The following ABCB5 variants were observed in gnomAD, a reference collection of about 807,000 sequenced individuals.
The protein encoded by ABCB5 is ATP-binding cassette sub-family B member 5.
In ABCB5, 155 loss-of-function variants were observed where a neutral mutation model predicts 144.2. That is an observed-to-expected ratio of 1.08 (90% CI 0.94 to 1.23). ABCB5 has a LOEUF of 1.23. ABCB5 is among the 50% of genes most tolerant of loss of function. The pLI, the probability that ABCB5 is intolerant of heterozygous loss-of-function variation, is 0.00. For synonymous variants in ABCB5, 610 were observed against 528.6 expected (o/e 1.15, Z -2.11); for missense variants, 1,830 against 1,520.8 (o/e 1.20, Z -3.38).
chr7:20,621,062 C>A (rs1250954249), intron 1 of ABCB5, among the ~76,000 whole-genome samples: 7 of 151,936 alleles, frequency 4.6e-5, no homozygotes, highest in Admixed American at 4.6e-4. Flanking sequence ...TAGTATTCAG[C>A]CTTAAAAAGG....
intron 11 of ABCB5, among the ~76,000 whole-genome samples, chr7:20,648,832 A>T (rs546657285): frequency 1.2e-4 from 19 of 152,170 alleles, no homozygotes; most frequent in Non-Finnish European, 2.6e-4. Flanking sequence ...CTTTGATCGA[A>T]ATTCTCTTTT....
chr7:20,729,465 T>C (rs899013559), intron 23 of ABCB5, among the ~76,000 whole-genome samples: 13 of 152,154 alleles, frequency 8.5e-5, no homozygotes, highest in Admixed American at 5.2e-4. Context: ...CATTTGGAAT[T>C]GAATGTGGTG....
At chr7:20,627,263 G>A (rs1332365565) in intron 3 of ABCB5, among the ~76,000 whole-genome samples, 1 of 152,024 alleles carries the variant, frequency 6.6e-6, no homozygotes, top group Non-Finnish European at 1.5e-5. Flanking sequence ...AAACTGAATA[G>A]TAGCAGAACA....
chr7:20,682,463 T>C (rs1290218345), intron 15 of ABCB5, among the ~76,000 whole-genome samples: 2 of 151,866 alleles, frequency 1.3e-5, no homozygotes, highest in Admixed American at 6.6e-5. Context: ...GAGTTGGGGG[T>C]GAACATAAAG....
intron 1 of ABCB5, among the ~76,000 whole-genome samples, chr7:20,620,974 C>T (rs1337968061): frequency 1.3e-5 from 2 of 151,928 alleles, no homozygotes; most frequent in African/African-American, 4.8e-5. Context: ...TTCACAATAG[C>T]CAAAAGGTGA....
Position 20,743,073 on chromosome 7 carries a change from T to A in ABCB5, c.3221T>A (p.Val1074Glu). The A allele has an allele frequency of 6.2e-7, 1 of 1,613,736 alleles. No individual in the cohort carries two copies. Residue 1074 changes from valine to glutamate, a missense_variant and splice_region_variant, in exon 25 of 28, where the codon GTG (valine) becomes GAG (glutamate). Physicochemically the swap from Val to Glu is moderately radical, Grantham distance 121. Coordinates refer to ENST00000404938, the MANE Select transcript of ABCB5 (RefSeq NM_001163941.2). ...CTTTATGACCCCGTGCAAGGACAAG[T>A]GGTAAGACAGAACTGAAACACACCT... ...QRLYDPVQGQ[V>E]LFDGVDAKEL... is the part of the protein sequence containing the mutation.
At chr7:20,700,513 G>C (rs7459042) in intron 19 of ABCB5, among the ~76,000 whole-genome samples, 132,511 of 152,218 alleles carry the variant, frequency 0.87, 57,748 homozygotes, top group African/African-American at 0.91. Flanking sequence ...GTTAATTTCT[G>C]TGGTTCTAAT....
chr7:20,637,644 T>A (rs980087880), intron 5 of ABCB5, among the ~76,000 whole-genome samples: 7 of 152,088 alleles, frequency 4.6e-5, no homozygotes, highest in African/African-American at 1.7e-4. Context: ...GGTCTTGAAC[T>A]CCCGACCTCA....
chr7:20,645,739 G>T lies in ABCB5; in HGVS notation c.679-17G>T, dbSNP rs1184639491. On this transcript the variant is annotated splice_polypyrimidine_tract_variant and intron_variant, in intron 7 of 27. Transcript: ENST00000404938. ...TACACAGAGTCATTTTTTAACTGTGGTTGTGGTTTATTACAGATGGTCATC... is the reference window on the plus strand; with the variant it reads ...TACACAGAGTCATTTTTTAACTGTGTTTGTGGTTTATTACAGATGGTCATC... 2 of 1,612,636 alleles carry T rather than the reference G, an allele frequency of 1.2e-6. No individual in the cohort carries two copies. Among genetic ancestry groups the T allele is most frequent in the Non-Finnish European group, 1.7e-6 (2 of 1,179,356 alleles).
intron 2 of ABCB5, among the ~76,000 whole-genome samples, chr7:20,626,043 G>C (rs1253133552): frequency 6.6e-6 from 1 of 152,198 alleles, no homozygotes; most frequent in Non-Finnish European, 1.5e-5. Flanking sequence ...TTTGAAGACA[G>C]CCAGACGAAA....
intron 21 of ABCB5, among the ~76,000 whole-genome samples, chr7:20,724,284 C>T (rs6461513): frequency 0.75 from 113,083 of 151,418 alleles, 42,759 homozygotes; most frequent in East Asian, 0.92. Context: ...CTGTTTTTCA[C>T]GACAGCCCTT....
chr7:20,620,648 C>T (rs922637667), intron 1 of ABCB5, among the ~76,000 whole-genome samples: 63 of 152,094 alleles, frequency 4.1e-4, no homozygotes, highest in African/African-American at 1.5e-3. Flanking sequence ...AGATACTCAA[C>T]ATCACTAGTC....
intron 20 of ABCB5, among the ~76,000 whole-genome samples, chr7:20,715,593 A>G (rs1781647532): frequency 6.6e-6 from 1 of 151,980 alleles, no homozygotes; most frequent in South Asian, 2.1e-4. Context: ...ATTTTTATGT[A>G]GAGACAGAGT....
intron 26 of ABCB5, among the ~76,000 whole-genome samples, chr7:20,747,637 C>A (rs1206357108): frequency 6.6e-6 from 1 of 152,144 alleles, no homozygotes; most frequent in African/African-American, 2.4e-5. Context: ...AAACTATATG[C>A]TGCAAAAATC....
intron 24 of ABCB5, among the ~76,000 whole-genome samples, 177 bp downstream of exon 24, chr7:20,739,316 C>T (rs1461753758): frequency 1.3e-5 from 2 of 151,862 alleles, no homozygotes; most frequent in Non-Finnish European, 2.9e-5. Context: ...ACGCAATATA[C>T]CCAGACAACA....
At chr7:20,687,036 G>A (rs1450326120) in intron 16 of ABCB5, among the ~76,000 whole-genome samples, 2 of 151,742 alleles carry the variant, frequency 1.3e-5, no homozygotes, top group African/African-American at 2.4e-5. Context: ...ATTTTTTTAA[G>A]TCTATTTAAA....
At chr7:20,710,385 G>A (rs1267410731) in intron 20 of ABCB5, among the ~76,000 whole-genome samples, 1 of 113,588 alleles carries the variant, frequency 8.8e-6, no homozygotes, top group Non-Finnish European at 1.8e-5. Context: ...AAAAAAAGTG[G>A]GGGGGGGGCA....
intron 25 of ABCB5, among the ~76,000 whole-genome samples, chr7:20,744,400 G>C (rs1034108940): frequency 1.3e-5 from 2 of 151,944 alleles, no homozygotes; most frequent in African/African-American, 4.8e-5. Context: ...TGTCCCCTTT[G>C]CAGGCTCCTT....
chr7:20,680,203 A>T (rs1785743183), intron 14 of ABCB5, among the ~76,000 whole-genome samples: 1 of 152,148 alleles, frequency 6.6e-6, no homozygotes, highest in Non-Finnish European at 1.5e-5. Flanking sequence ...TTACCAGAAA[A>T]TCAAAACAAG....
Sources: gnomAD v4.1 joint callset for allele counts (sites outside exome capture counted in the v4.1 genomes callset) on GRCh38, gnomAD v4.1.1 for gene constraint, MANE v1.5 for transcripts, NCBI Gene and HGNC (gene_info 2026-07-23, HGNC 2026-07-21) for gene names.